Variants in WLS observed in about 807,000 individuals in gnomAD.
The protein encoded by WLS is Wnt ligand secretion mediator.
Under a neutral mutation model 62.8 loss-of-function variants are expected in WLS, and 23 were observed. The observed-to-expected ratio is 0.37, with a 90% CI of 0.26 to 0.52. The LOEUF is 0.52. Ranked by LOEUF, WLS falls within the 20% of genes least tolerant of loss-of-function variation. The pLI is 0.92. For missense variants in WLS, 615 were observed against 697.3 expected (o/e 0.88, Z 1.33); for synonymous variants, 246 against 244.1 (o/e 1.01, Z -0.07).
chr1:68,168,323 A>G (rs142205999), intron 2 of WLS, among the ~76,000 whole-genome samples: 98 of 152,340 alleles, frequency 6.4e-4, no homozygotes, highest in African/African-American at 2.2e-3. Flanking sequence ...CCCAGCCAGG[A>G]TAGTACAAAG....
At chr1:68,134,716 G>T (rs945174230) in intron 11 of WLS, among the ~76,000 whole-genome samples, 1 of 152,236 alleles carries the variant, frequency 6.6e-6, no homozygotes, top group Admixed American at 6.5e-5. Context: ...GGATTCAGGG[G>T]ATATGACCTC....
intron 1 of WLS, among the ~76,000 whole-genome samples, chr1:68,206,980 G>A (rs547103106): frequency 1.3e-5 from 2 of 152,144 alleles, no homozygotes; most frequent in Non-Finnish European, 2.9e-5. Context: ...TAGAAGAACA[G>A]ATCTTAATGG....
intron 2 of WLS, among the ~76,000 whole-genome samples, chr1:68,179,030 TC>T (rs1647399445): frequency 2.0e-5 from 3 of 152,278 alleles, no homozygotes; most frequent in Non-Finnish European, 4.4e-5. Flanking sequence ...AAAATACACT[TC>T]CAGTACACCA....
intron 10 of WLS, among the ~76,000 whole-genome samples, chr1:68,143,822 T>A (rs981930933): frequency 6.6e-6 from 1 of 152,222 alleles, no homozygotes; most frequent in Admixed American, 6.5e-5. Flanking sequence ...ATTGTAATAT[T>A]TATTTTGCAG....
chr1:68,159,938 A>G (rs1358418187), intron 2 of WLS, among the ~76,000 whole-genome samples: 1 of 152,208 alleles, frequency 6.6e-6, no homozygotes, highest in Non-Finnish European at 1.5e-5. Flanking sequence ...ACATACTTCC[A>G]TATGTGTGGA....
At chr1:68,223,331 CA>C (rs1296444374) in intron 1 of WLS, among the ~76,000 whole-genome samples, 1 of 152,108 alleles carries the variant, frequency 6.6e-6, no homozygotes, top group African/African-American at 2.4e-5. Flanking sequence ...TTGGTTATAG[CA>C]CAGGAACTAA....
At position 68,150,283 on chromosome 1, in the gene WLS, A is replaced by G. The variant is rs1319840166; in HGVS notation, c.877T>C (p.Trp293Arg). 1.2e-6 allele frequency: 2 copies of G among 1,614,258 alleles called. No homozygotes were observed. Among genetic ancestry groups the G allele is most frequent in the South Asian group, 1.1e-5 (1 of 91,086 alleles). Residue 293 changes from tryptophan (W) to arginine (R), a missense_variant, in exon 6 of 12, where the codon TGG (tryptophan) becomes CGG (arginine). Trp to Arg is a moderately radical substitution (Grantham distance 101). Coordinates refer to ENST00000262348, the MANE Select transcript of WLS (RefSeq NM_024911.7). ...PVEWFSIGFD[W>R]TWMLLFGDIR... Reference sequence around the variant, plus strand: ...TCACCAAACAGCAGCATCCAGGTCCAGTCAAACCCGATGGAAAACCATTCC... The same window carrying G: ...TCACCAAACAGCAGCATCCAGGTCCGGTCAAACCCGATGGAAAACCATTCC...
chr1:68,118,901 A>AAAAAAAAAAAAAAAAAAC (rs1646330579), intron 11 of WLS, among the ~76,000 whole-genome samples: 1 of 140,746 alleles, frequency 7.1e-6, no homozygotes, highest in Non-Finnish European at 1.6e-5. Flanking sequence ...AAAAAAAAAA[A>AAAAAAAAAAAAAAAAAAC]AGCACCTGGC....
chr1:68,142,784 A>G (rs1478413610), intron 10 of WLS: 4 of 152,230 alleles, frequency 2.6e-5, no homozygotes, highest in Non-Finnish European at 4.4e-5. Flanking sequence ...CCAGTGGCAG[A>G]GCCAACAACA....
At chr1:68,151,344 T>G (rs1646822651) in intron 5 of WLS, among the ~76,000 whole-genome samples, 3 of 152,060 alleles carry the variant, frequency 2.0e-5, no homozygotes. Flanking sequence ...ATGAAGAAAC[T>G]TGCATACCCC....
At position 68,159,223 on chromosome 1, in the gene WLS, T is replaced by A; in HGVS notation, c.404A>T (p.Asp135Val). 6.2e-7 allele frequency: 1 copy of A among 1,613,958 alleles called. No individual in the cohort carries two copies. Among genetic ancestry groups the A allele is most frequent in the East Asian group, 2.2e-5 (1 of 44,866 alleles). ...GTCATCACGGTAAGCCAGGGAAACG[T>A]CCATGGAGACTTCTGCATTTTCTCC... ...QIRENAEVSMDVSLAYRDDAF... is the reference protein window; with the variant it reads ...QIRENAEVSMVVSLAYRDDAF... The change falls in exon 3 of 12, where the codon GAC becomes GTC. Residue 135 changes from aspartate (D) to valine (V), a missense_variant. Transcript: ENST00000262348.
chr1:68,147,826 G>A (rs919328706), intron 8 of WLS, among the ~76,000 whole-genome samples: 1 of 152,194 alleles, frequency 6.6e-6, no homozygotes, highest in African/African-American at 2.4e-5. Flanking sequence ...GGAAAAGCTA[G>A]TCATGCTTCA....
intron 3 of WLS, among the ~76,000 whole-genome samples, chr1:68,158,063 G>A (rs757026545): frequency 3.3e-5 from 5 of 152,126 alleles, no homozygotes; most frequent in Non-Finnish European, 7.3e-5. Context: ...GCTTTCTCTG[G>A]AGGACAGCCC....
chr1:68,232,439 G>C lies in WLS; in HGVS notation c.-140C>G, dbSNP rs1340706758. On this transcript the variant is annotated 5_prime_UTR_variant, in exon 1 of 12. Transcript: ENST00000262348. ...CTTCAGAGGTGCTGGAGCGCGGCGA[G>C]GATGGGACCGGGACGGAAGGCGCCC... is the stretch of plus-strand genomic sequence containing the variant. 4.2e-6 allele frequency: 6 copies of C among 1,421,650 alleles called. No individual in the cohort carries two copies. Among genetic ancestry groups the C allele is most frequent in the Non-Finnish European group, 5.5e-6 (6 of 1,087,208 alleles). The allele number at this position is 1,421,650 out of a possible 1,614,324, so 88.1% of individuals were successfully genotyped here. A position where few individuals can be genotyped will look rare whatever the true frequency, so the allele number is the denominator to read the frequency against.
At chr1:68,170,836 G>T (rs1411510698) in intron 2 of WLS, among the ~76,000 whole-genome samples, 2 of 152,018 alleles carry the variant, frequency 1.3e-5, no homozygotes. Context: ...TATTTAGGCT[G>T]GGTTCCTAAA....
At chr1:68,200,612 G>GA (rs754762187) in intron 1 of WLS, among the ~76,000 whole-genome samples, 16 of 151,480 alleles carry the variant, frequency 1.1e-4, no homozygotes, top group South Asian at 4.2e-4. Context: ...CAACAGCTGG[G>GA]AAATATAAGC....
chr1:68,151,726 G>A (rs1314366114), intron 5 of WLS, among the ~76,000 whole-genome samples: 1 of 152,118 alleles, frequency 6.6e-6, no homozygotes, highest in Non-Finnish European at 1.5e-5. Flanking sequence ...CAATAAAGGG[G>A]GCTGGTGGGT....
intron 3 of WLS, among the ~76,000 whole-genome samples, chr1:68,156,439 G>T (rs944579636): frequency 6.6e-6 from 1 of 152,156 alleles, no homozygotes; most frequent in African/African-American, 2.4e-5. Context: ...AAGGGGCTCT[G>T]CCCCTTCTGA....
intron 1 of WLS, chr1:68,231,540 CTCCCACCCCACCCCA>C: frequency 3.2e-6 from 1 of 313,632 alleles, no homozygotes; most frequent in South Asian, 2.6e-5. Context: ...CAAGGACTCC[CTCCCACCCCACCCCA>C]TCCCACCCAA....
Sources: gnomAD v4.1 joint callset for allele counts (sites outside exome capture counted in the v4.1 genomes callset) on GRCh38, gnomAD v4.1.1 for gene constraint, MANE v1.5 for transcripts, NCBI Gene and HGNC (gene_info 2026-07-23, HGNC 2026-07-21) for gene names.